IQGAP2: variants seen among roughly 807,000 people sequenced by gnomAD.
IQGAP2 encodes the protein ras GTPase-activating-like protein IQGAP2.
In IQGAP2, 173 loss-of-function variants were observed where a neutral mutation model predicts 201.3. The observed-to-expected ratio is 0.86, with a 90% CI of 0.76 to 0.98. The LOEUF is 0.98. Ranked by LOEUF, IQGAP2 falls within the 50% of genes least tolerant of loss-of-function variation. The probability of loss-of-function intolerance (pLI) is 0.00; values close to 1 mark genes in which losing one functional copy is unlikely to be tolerated. For synonymous variants in IQGAP2, 675 were observed against 673.9 expected (o/e 1.00, Z -0.03); for missense variants, 1,687 against 1,864.8 (o/e 0.90, Z 1.76).
intron 2 of IQGAP2, among the ~76,000 whole-genome samples, chr5:76,478,422 C>A (rs1487561450): frequency 1.3e-5 from 2 of 152,118 alleles, no homozygotes; most frequent in Non-Finnish European, 2.9e-5. Context: ...ATTTAGCATA[C>A]CCTAAGTGTA....
rs115626849 is a variant in IQGAP2, at chr5:76,590,889, C to T, written c.819+303C>T. Among the ~76,000 whole-genome samples the T allele has an allele frequency of 1.9e-3, 282 of 151,986 alleles. 2 individuals carry two copies. The highest frequency in any genetic ancestry group is 6.3e-3 in the African/African-American group (263 of 41,450). On this transcript the variant is annotated intron_variant, in intron 8 of 35. Coordinates refer to ENST00000274364, the MANE Select transcript of IQGAP2 (RefSeq NM_006633.5). ...GTCCTTTGAGTCCAGGAGTTCAAAA[C>T]GAGCCTGCGCGCTATAGTGAGACCC...
At chr5:76,590,298 G>A (rs1469919796) in intron 7 of IQGAP2, 110 bp from the exon 8 acceptor site, 1 of 815,404 alleles carries the variant, frequency 1.2e-6, no homozygotes, top group South Asian at 1.9e-5. Flanking sequence ...ATATTTACTG[G>A]AAGCCAAGAA....
chr5:76,553,611 T>C (rs944650523), intron 2 of IQGAP2, among the ~76,000 whole-genome samples: 1 of 152,208 alleles, frequency 6.6e-6, no homozygotes, highest in African/African-American at 2.4e-5. Context: ...GGTTTCTTTT[T>C]CTTTTTCTTT....
intron 16 of IQGAP2, among the ~76,000 whole-genome samples, chr5:76,637,934 C>A (rs1019868891): frequency 1.3e-5 from 2 of 152,226 alleles, no homozygotes; most frequent in Admixed American, 1.3e-4. Flanking sequence ...TCCCTTTTAA[C>A]TAATCTGTGA....
chr5:76,415,962 GA>G (rs1751384087), intron 1 of IQGAP2, among the ~76,000 whole-genome samples: 1 of 150,120 alleles, frequency 6.7e-6, no homozygotes, highest in Non-Finnish European at 1.5e-5. Flanking sequence ...AAAAAAATGT[GA>G]AAAGAAAGTG....
intron 2 of IQGAP2, among the ~76,000 whole-genome samples, chr5:76,511,270 A>C (rs765539074): frequency 1.9e-4 from 29 of 152,088 alleles, no homozygotes; most frequent in African/African-American, 5.6e-4. Flanking sequence ...CATCTCCGAG[A>C]TCCTTTTGCC....
At chr5:76,624,304 T>TTATATA (rs1424365074) in intron 13 of IQGAP2, 3 of 152,192 alleles carry the variant, frequency 2.0e-5, no homozygotes, top group African/African-American at 7.2e-5. Context: ...TTTTCTGTAG[T>TTATATA]TAATAAAACT....
At chr5:76,606,475 C>CAAT in intron 12 of IQGAP2, 172 bp downstream of exon 12, 2 of 410,130 alleles carry the variant, frequency 4.9e-6, no homozygotes, top group Non-Finnish European at 8.6e-6. Flanking sequence ...ACCACTGTAC[C>CAAT]AATATGTTAT....
chr5:76,426,446 C>T (rs772647946), intron 1 of IQGAP2, among the ~76,000 whole-genome samples: 65 of 152,264 alleles, frequency 4.3e-4, no homozygotes, highest in Non-Finnish European at 5.4e-4. Context: ...AGAAGGGAAA[C>T]CAAACAGTTG....
In IQGAP2 at chr5:76,628,657, C is replaced by G. The variant is rs1235269647; in HGVS notation, c.1612+1157C>G. The G allele has an allele frequency of 6.6e-6, 3 of 455,154 alleles. No individual in the cohort carries two copies. The Admixed American group carries it at 7.1e-5, about 11-fold the overall frequency. The allele number at this position is 455,154 out of a possible 1,614,324, so 28.2% of individuals were successfully genotyped here. A position where few individuals can be genotyped will look rare whatever the true frequency, so the allele number is the denominator to read the frequency against. On this transcript the variant is annotated intron_variant, in intron 14 of 35. Transcript: ENST00000274364. ...CTGTTGTATCAGGTCAGAGAAGGTT[C>G]TTAAGATGACTTTGTCTTACTCCAC... is the stretch of plus-strand genomic sequence containing the variant.
At chr5:76,587,136 TC>T (rs1311429832) in intron 5 of IQGAP2, among the ~76,000 whole-genome samples, 3 of 152,310 alleles carry the variant, frequency 2.0e-5, no homozygotes, top group Admixed American at 6.5e-5. Flanking sequence ...CAGTATAGGT[TC>T]CTAAGAGAAC....
At chr5:76,479,391 G>C (rs184812157) in intron 2 of IQGAP2, among the ~76,000 whole-genome samples, 12 of 152,186 alleles carry the variant, frequency 7.9e-5, no homozygotes, top group Non-Finnish European at 1.5e-4. Context: ...GATTCTGTTG[G>C]ATAGCCTTTG....
chr5:76,413,156 CTTTTTTTTTTT>C (rs567410789), intron 1 of IQGAP2, among the ~76,000 whole-genome samples: 23 of 83,686 alleles, frequency 2.7e-4, no homozygotes, highest in African/African-American at 3.1e-4. Flanking sequence ...TTTCTTTTCT[CTTTTTTTTTTT>C]TTTTTTTTTT....
In IQGAP2 at chr5:76,403,401, A is replaced by G. The variant is rs1750615216; in HGVS notation, c.-145A>G. On this transcript the variant is annotated 5_prime_UTR_variant, in exon 1 of 36. Transcript: ENST00000274364. The surrounding 1 kb of genome is among the most constrained non-coding windows in gnomAD (Gnocchi z 4.8). ...GGCTCTGGCGAGAGAGCACCGAGGG[A>G]GTGGGTCGCAGATCTTCGGGCGGCT... 9 of 509,968 alleles carry G rather than the reference A, an allele frequency of 1.8e-5. No individual in the cohort carries two copies. In the East Asian group the frequency reaches 3.0e-4, roughly 17 times the overall value. The allele number at this position is 509,968 out of a possible 1,614,324, so 31.6% of individuals were successfully genotyped here.
intron 2 of IQGAP2, among the ~76,000 whole-genome samples, chr5:76,493,643 G>T (rs1258360386): frequency 6.6e-6 from 1 of 152,088 alleles, no homozygotes; most frequent in Non-Finnish European, 1.5e-5. Flanking sequence ...AATTAATTTA[G>T]TGATTTTTTT....
In IQGAP2 at chr5:76,496,775, TTCTTTC is replaced by T. The variant is rs1561416723; in HGVS notation, c.146+35108_146+35113del. Reference sequence around the variant, plus strand: ...TTTCTTTCTTTCTTTCTTTCTTTCTTTCTTTCTTTCTTTCTTTCTCTTTCTTTCTTT... The same window carrying T: ...TTTCTTTCTTTCTTTCTTTCTTTCTTTTTCTTTCTTTCTCTTTCTTTCTTT... On this transcript the variant is annotated intron_variant, in intron 2 of 35. Transcript: ENST00000274364. Among the ~76,000 whole-genome samples, 157 of 119,556 alleles carry T rather than the reference TTCTTTC, an allele frequency of 1.3e-3. 3 individuals carry two copies. The highest frequency in any genetic ancestry group is 6.2e-3 in the African/African-American group (148 of 23,818). 78.4% of individuals were successfully genotyped at this position (119,556 alleles called of 152,430 possible). A position where few individuals can be genotyped will look rare whatever the true frequency, so the allele number is the denominator to read the frequency against.
At chr5:76,569,714 A>C (rs1402845098) in intron 3 of IQGAP2, among the ~76,000 whole-genome samples, 1 of 152,224 alleles carries the variant, frequency 6.6e-6, no homozygotes, top group Non-Finnish European at 1.5e-5. Context: ...TTATATGGTA[A>C]AACTTGCTAT....
At chr5:76,567,913 T>C (rs909741815) in intron 3 of IQGAP2, among the ~76,000 whole-genome samples, 2 of 152,192 alleles carry the variant, frequency 1.3e-5, no homozygotes, top group Admixed American at 6.5e-5. Context: ...CCTGGTCTAA[T>C]ACCTGAAAGA....
chr5:76,540,932 G>T (rs1340852828), intron 2 of IQGAP2, among the ~76,000 whole-genome samples: 4 of 152,174 alleles, frequency 2.6e-5, no homozygotes, highest in African/African-American at 9.7e-5. Flanking sequence ...TGTATTGATT[G>T]CAGAAAAAGC....
Sources: gnomAD v4.1 joint callset for allele counts (sites outside exome capture counted in the v4.1 genomes callset) on GRCh38, gnomAD v4.1.1 for gene constraint, Gnocchi (gnomAD v3.1) non-coding constraint, MANE v1.5 for transcripts, NCBI Gene and HGNC (gene_info 2026-07-23, HGNC 2026-07-21) for gene names.